Variants in SUFU observed in about 807,000 individuals in gnomAD.
SUFU encodes SUFU negative regulator of hedgehog signaling, also known as suppressor of fused homolog.
SUFU carries 7 observed loss-of-function variants against 58.9 expected under a neutral mutation model. The ratio of observed to expected loss-of-function variants is 0.12; its 90% CI spans 0.07 to 0.22. The LOEUF is 0.22. Ranked by LOEUF, SUFU falls within the 10% of genes least tolerant of loss-of-function variation. SUFU has a pLI of 1.00. For synonymous variants in SUFU, 232 were observed against 254.8 expected (o/e 0.91, Z 0.85); for missense variants, 451 against 641.3 (o/e 0.70, Z 3.20).
rs967445005 is a variant in SUFU, at chr10:102,603,740, A to G, written c.1022+4196A>G. The stretch of plus-strand genomic sequence containing the variant: ...CCAACATACACACACACACATATAC[A>G]TAGATTTCTCTCTACTCTTAGGAGT... On this transcript the variant is annotated intron_variant, in intron 8 of 11. Coordinates refer to ENST00000369902, the MANE Select transcript of SUFU (RefSeq NM_016169.4). Among the ~76,000 whole-genome samples, 11 of 152,252 alleles carry G rather than the reference A, an allele frequency of 7.2e-5. No individual in the cohort carries two copies. The East Asian group carries it at 1.7e-3, about 24-fold the overall frequency.
At chr10:102,558,351 C>T (rs994409141) in intron 3 of SUFU, among the ~76,000 whole-genome samples, 3 of 152,204 alleles carry the variant, frequency 2.0e-5, no homozygotes, top group Non-Finnish European at 4.4e-5. Flanking sequence ...GCTACGACTA[C>T]AGGTGCACAC....
intron 3 of SUFU, among the ~76,000 whole-genome samples, chr10:102,552,885 T>C (rs1352075802): frequency 6.6e-6 from 1 of 152,278 alleles, no homozygotes; most frequent in Admixed American, 6.5e-5. Context: ...TATTTGGTTA[T>C]TCATTGTATC....
At chr10:102,626,367 T>C (rs1434647435) in intron 10 of SUFU, among the ~76,000 whole-genome samples, 2 of 152,182 alleles carry the variant, frequency 1.3e-5, no homozygotes, top group Admixed American at 6.5e-5. Context: ...TGAAAACTTC[T>C]TTAGCGGATG....
At chr10:102,601,463 C>T (rs940882100) in intron 8 of SUFU, among the ~76,000 whole-genome samples, 5 of 152,154 alleles carry the variant, frequency 3.3e-5, no homozygotes, top group Non-Finnish European at 7.4e-5. Flanking sequence ...AGAATAGATT[C>T]GAGGTGCCGG....
chr10:102,534,471 C>A (rs7893155), intron 2 of SUFU, among the ~76,000 whole-genome samples: 53,012 of 152,110 alleles, frequency 0.35, 9,403 homozygotes, highest in African/African-American at 0.39. Context: ...TCTTTCCCCA[C>A]CTAGGAAGTC....
intron 2 of SUFU, among the ~76,000 whole-genome samples, chr10:102,510,460 G>A (rs139901931): frequency 0.26 from 35,356 of 136,430 alleles, 4,556 homozygotes; most frequent in South Asian, 0.38. Context: ...TGCCTGCCTC[G>A]GCCTCCCAAA....
chr10:102,593,731 C>A lies in SUFU; in HGVS notation c.683+10C>A. 6.2e-7 allele frequency: 1 copy of A among 1,613,918 alleles called. No individual in the cohort carries two copies. The highest frequency in any genetic ancestry group is 8.5e-7 in the Non-Finnish European group (1 of 1,179,822). On this transcript the variant is annotated intron_variant, in intron 5 of 11. Coordinates refer to ENST00000369902, the MANE Select transcript of SUFU (RefSeq NM_016169.4). ...TGCGGACAGTGCCTATGTGAGTACC[C>A]ATGCAAGGTGGGAGCGCGGCTCCCT...
Position 102,630,125 on chromosome 10 carries a change from TGACGTGGTGTTC to T in SUFU, c.1429_1440del (p.Val477_Asp480del). The T allele has an allele frequency of 6.2e-7, 1 of 1,614,192 alleles. No individual in the cohort carries two copies. Among genetic ancestry groups the T allele is most frequent in the East Asian group, 2.2e-5 (1 of 44,874 alleles). ...AGAAGCTGAAGGTCTCCATCCTGCC[TGACGTGGTGTTC>T]GACAGTCCGCTACACTAGCCTGGGC... On this transcript the variant is annotated inframe_deletion, in exon 12 of 12. Transcript: ENST00000369902.
chr10:102,540,757 C>A (rs947445806), intron 2 of SUFU, among the ~76,000 whole-genome samples: 1 of 151,744 alleles, frequency 6.6e-6, no homozygotes, highest in Non-Finnish European at 1.5e-5. Flanking sequence ...CACAGTGGCT[C>A]ACACCTACAA....
At chr10:102,588,058 A>G (rs1474735048) in intron 3 of SUFU, among the ~76,000 whole-genome samples, 1 of 152,192 alleles carries the variant, frequency 6.6e-6, no homozygotes, top group Non-Finnish European at 1.5e-5. Flanking sequence ...ATTTGCTGAA[A>G]AGACTATTTC....
chr10:102,618,511 C>T (rs2063709100), intron 10 of SUFU: 1 of 153,334 alleles, frequency 6.5e-6, no homozygotes, highest in South Asian at 2.0e-4. Context: ...CAACCACACT[C>T]CCCAGACTAA....
At chr10:102,589,370 C>T (rs7068535) in intron 3 of SUFU, among the ~76,000 whole-genome samples, 45,709 of 149,956 alleles carry the variant, frequency 0.3, 7,224 homozygotes, top group Admixed American at 0.36. Flanking sequence ...TTTCTGTATA[C>T]AATATCATGC....
chr10:102,578,302 G>T (rs2063235575), intron 3 of SUFU, among the ~76,000 whole-genome samples: 2 of 151,444 alleles, frequency 1.3e-5, no homozygotes, highest in Admixed American at 6.6e-5. Context: ...TTGGGGCCAG[G>T]CATGATGGCT....
At chr10:102,592,847 G>A (rs2135867895) in intron 4 of SUFU, 123 bp downstream of exon 4, 8 of 1,125,080 alleles carry the variant, frequency 7.1e-6, no homozygotes, top group Non-Finnish European at 1.0e-5. Flanking sequence ...CCTGATTTCT[G>A]TTTCCTCTGA....
At chr10:102,571,294 G>A (rs2063157861) in intron 3 of SUFU, among the ~76,000 whole-genome samples, 1 of 152,212 alleles carries the variant, frequency 6.6e-6, no homozygotes, top group Non-Finnish European at 1.5e-5. Context: ...CTAAAGAGAA[G>A]TTAGTGTTTC....
Position 102,616,646 on chromosome 10 carries a change from G to T in SUFU, c.1158-644G>T, listed in dbSNP as rs543832116. Among the ~76,000 whole-genome samples, 26 of 152,370 alleles carry T rather than the reference G, an allele frequency of 1.7e-4. 1 individual carries two copies. The South Asian group carries it at 5.4e-3, about 32-fold the overall frequency. Reference sequence around the variant, plus strand: ...GTGGCTCTGCCCATTAGCTGCCCCTGCCTGCCCCTCCCCCAGGTGTATTTC... The same window carrying T: ...GTGGCTCTGCCCATTAGCTGCCCCTTCCTGCCCCTCCCCCAGGTGTATTTC... On this transcript the variant is annotated intron_variant, in intron 9 of 11. Transcript: ENST00000369902.
At chr10:102,621,032 A>G (rs1265126487) in intron 10 of SUFU, among the ~76,000 whole-genome samples, 3 of 152,118 alleles carry the variant, frequency 2.0e-5, no homozygotes, top group Non-Finnish European at 4.4e-5. Flanking sequence ...GGCGTGGGAG[A>G]AGACGCCCAG....
At chr10:102,589,358 G>C (rs568623003) in intron 3 of SUFU, among the ~76,000 whole-genome samples, 1 of 149,694 alleles carries the variant, frequency 6.7e-6, no homozygotes, top group East Asian at 1.9e-4. Flanking sequence ...ATTCCTTAAG[G>C]TTTTCTGTAT....
At chr10:102,513,010 G>C (rs1362460293) in intron 2 of SUFU, among the ~76,000 whole-genome samples, 1 of 152,010 alleles carries the variant, frequency 6.6e-6, no homozygotes, top group Non-Finnish European at 1.5e-5. Flanking sequence ...TGAAGCTGCA[G>C]TAAGCCATAA....
Sources: allele counts gnomAD v4.1 joint callset (sites outside exome capture counted in the v4.1 genomes callset), GRCh38; gene constraint gnomAD v4.1.1; transcripts MANE v1.5; gene names NCBI Gene and HGNC (gene_info 2026-07-23, HGNC 2026-07-21).